Variants in RAVER2 observed in about 807,000 individuals in gnomAD.
RAVER2 encodes the protein ribonucleoprotein PTB-binding 2.
In RAVER2, 46 loss-of-function variants were observed where a neutral mutation model predicts 78.1. The observed-to-expected ratio is 0.59, with a 90% CI of 0.46 to 0.75. The LOEUF (loss-of-function observed/expected upper bound fraction) is 0.75, where lower values mean the gene tolerates loss of function less well. Among genes scored for constraint, RAVER2 ranks in the 30% least tolerant of loss-of-function variants. The probability of loss-of-function intolerance (pLI) is 0.00; values close to 1 mark genes in which losing one functional copy is unlikely to be tolerated. For synonymous variants in RAVER2, 311 were observed against 313.3 expected (o/e 0.99, Z 0.08); for missense variants, 793 against 837.5 (o/e 0.95, Z 0.66).
exon 7 of RAVER2, chr1:64,804,813 A>T (rs1222158623): frequency 1.3e-6 from 2 of 1,558,542 alleles, no homozygotes; most frequent in Admixed American, 3.4e-5. Context: ...CAATTAATGA[A>T]GTTTGAGAAT....
intron 1 of RAVER2, among the ~76,000 whole-genome samples, chr1:64,758,597 C>T (rs541781738): frequency 6.6e-5 from 10 of 152,218 alleles, no homozygotes; most frequent in African/African-American, 2.2e-4. Flanking sequence ...AGCTGACAGC[C>T]AGCAAGAAAA....
At chr1:64,793,877 T>C (rs921108898) in intron 5 of RAVER2, among the ~76,000 whole-genome samples, 3 of 152,240 alleles carry the variant, frequency 2.0e-5, no homozygotes, top group African/African-American at 7.2e-5. Flanking sequence ...GTTACATGGC[T>C]TAGTAGTATT....
chr1:64,756,874 G>T (rs1188687030), intron 1 of RAVER2, among the ~76,000 whole-genome samples: 2 of 152,152 alleles, frequency 1.3e-5, no homozygotes, highest in African/African-American at 4.8e-5. Context: ...CTTAATTTGG[G>T]TTTGTAGGAG....
chr1:64,801,877 CA>C (rs1653278072), intron 5 of RAVER2, among the ~76,000 whole-genome samples: 1 of 151,968 alleles, frequency 6.6e-6, no homozygotes, highest in African/African-American at 2.4e-5. Flanking sequence ...CAAAAACAAA[CA>C]AACAAAAAAG....
At chr1:64,814,915 TTG>T (rs1653718770) in intron 11 of RAVER2, 75 bp downstream of exon 11, 1 of 1,262,564 alleles carries the variant, frequency 7.9e-7, no homozygotes, top group South Asian at 2.3e-5. Context: ...GAATATGAAA[TTG>T]TGATTTCTAT....
chr1:64,763,639 C>T lies in RAVER2; in HGVS notation c.250-5017C>T, dbSNP rs575918384. Reference sequence around the variant, plus strand: ...TATACCAGCCGGACATGGTGGCTCACGCCTGTAATCCCAGCACTTTGGGCG... The same window carrying T: ...TATACCAGCCGGACATGGTGGCTCATGCCTGTAATCCCAGCACTTTGGGCG... On this transcript the variant is annotated intron_variant, in intron 1 of 11. Transcript: ENST00000294428. Among the ~76,000 whole-genome samples, 20 of 152,174 alleles carry T rather than the reference C, an allele frequency of 1.3e-4. No homozygotes were observed. In the South Asian group the frequency reaches 3.9e-3, roughly 30 times the overall value.
At chr1:64,783,957 A>G (rs1652707704) in intron 4 of RAVER2, among the ~76,000 whole-genome samples, 1 of 152,198 alleles carries the variant, frequency 6.6e-6, no homozygotes, top group African/African-American at 2.4e-5. Flanking sequence ...TTCCCTCTCA[A>G]GTCTAATGCA....
At chr1:64,781,520 T>C in exon 4 of RAVER2, 1 of 1,614,178 alleles carries the variant, frequency 6.2e-7, no homozygotes, top group East Asian at 2.2e-5. Context: ...TCTGTGCTCC[T>C]GGAGCGCCAG....
intron 1 of RAVER2, among the ~76,000 whole-genome samples, chr1:64,759,838 T>C (rs570468277): frequency 6.6e-6 from 1 of 152,252 alleles, no homozygotes; most frequent in South Asian, 2.1e-4. Context: ...TTTTGAGCAC[T>C]CTAAACATAT....
At chr1:64,796,745 T>G (rs1468212927) in intron 5 of RAVER2, among the ~76,000 whole-genome samples, 1 of 152,080 alleles carries the variant, frequency 6.6e-6, no homozygotes, top group Non-Finnish European at 1.5e-5. Flanking sequence ...TTGTTGTCTG[T>G]TTTTTATTTC....
intron 9 of RAVER2, among the ~76,000 whole-genome samples, 172 bp from the exon 10 acceptor site, chr1:64,812,566 T>A (rs1653643890): frequency 6.6e-6 from 1 of 152,154 alleles, no homozygotes; most frequent in Non-Finnish European, 1.5e-5. Flanking sequence ...AATAGTTTTT[T>A]AAAAACCTAA....
intron 3 of RAVER2, 85 bp downstream of exon 3, chr1:64,778,177 C>A: frequency 1.0e-6 from 1 of 993,712 alleles, no homozygotes. Context: ...TTTATCATAC[C>A]TGTGTGATTA....
chr1:64,766,149 G>A (rs1327585198), intron 1 of RAVER2, among the ~76,000 whole-genome samples: 1 of 152,162 alleles, frequency 6.6e-6, no homozygotes, highest in East Asian at 1.9e-4. Flanking sequence ...GTTTACTAAA[G>A]CTATCTAATA....
chr1:64,776,417 C>A (rs908340387), intron 2 of RAVER2, among the ~76,000 whole-genome samples: 3 of 152,336 alleles, frequency 2.0e-5, no homozygotes, highest in Admixed American at 2.0e-4. Flanking sequence ...GTTAGCATCA[C>A]ACTTAGTGTG....
chr1:64,768,777 A>G (rs746141791), intron 2 of RAVER2, 55 bp downstream of exon 2: 5 of 1,150,176 alleles, frequency 4.3e-6, no homozygotes, highest in Non-Finnish European at 5.1e-6. Context: ...TGTACTCGTT[A>G]TAGAACAAAA....
chr1:64,793,160 A>G (rs1214122907), intron 5 of RAVER2, among the ~76,000 whole-genome samples: 1 of 152,090 alleles, frequency 6.6e-6, no homozygotes, highest in Non-Finnish European at 1.5e-5. Context: ...CCAAGATTGC[A>G]CCACTGCACT....
chr1:64,816,815 A>G lies in RAVER2; in HGVS notation c.1929+1975A>G, dbSNP rs570935581. ...CCATAAAAACCTTAGAAGAAAACCT[A>G]GGCAATACCATTCAGCACATAGGCA... On this transcript the variant is annotated intron_variant, in intron 11 of 11. Coordinates refer to ENST00000294428, the Ensembl canonical transcript of RAVER2. 5.3e-5 allele frequency among the ~76,000 whole-genome samples: 8 copies of G among 152,360 alleles called. No homozygotes were observed. In the East Asian group the frequency reaches 1.3e-3, roughly 26 times the overall value.
intron 1 of RAVER2, among the ~76,000 whole-genome samples, chr1:64,752,743 A>G (rs1424386306): frequency 3.3e-5 from 5 of 152,186 alleles, no homozygotes; most frequent in Non-Finnish European, 7.3e-5. Flanking sequence ...AAGCCCATCA[A>G]TACATGATAG....
intron 3 of RAVER2, among the ~76,000 whole-genome samples, chr1:64,778,589 C>A (rs1010068572): frequency 6.6e-6 from 1 of 151,978 alleles, no homozygotes; most frequent in Non-Finnish European, 1.5e-5. Flanking sequence ...GTAGTTCTAT[C>A]TTAATGTGGT....
Sources: allele counts gnomAD v4.1 joint callset (sites outside exome capture counted in the v4.1 genomes callset), GRCh38; gene constraint gnomAD v4.1.1; transcripts MANE v1.5; gene names NCBI Gene and HGNC (gene_info 2026-07-23, HGNC 2026-07-21).